IL10RA: variants seen among roughly 807,000 people sequenced by gnomAD.
IL10RA encodes interleukin-10 receptor subunit alpha.
Under a neutral mutation model 29.6 loss-of-function variants are expected in IL10RA, and 18 were observed. The observed-to-expected ratio is 0.61, with a 90% confidence interval of 0.42 to 0.90. The LOEUF is 0.90. IL10RA is among the 40% of genes least tolerant of loss of function. IL10RA has a pLI of 0.00. For synonymous variants in IL10RA, 292 were observed against 294.1 expected, an observed-to-expected ratio of 0.99 and a Z score of 0.07; for missense variants, 634 against 716.6, an observed-to-expected ratio of 0.88 and a Z score of 1.32.
At chr11:117,988,621 A>G in intron 2 of IL10RA, 119 bp downstream of exon 2, 1 of 1,172,650 alleles carries the variant, frequency 8.5e-7, no homozygotes, top group East Asian at 2.5e-5. Context: ...GGCCCCTAAC[A>G]CATAGCCAGC....
rs2058080035 is a variant in IL10RA at position 117,999,529 on chromosome 11, C to A, written c.1625C>A (p.Ala542Asp). 2 of 1,614,058 alleles carry A rather than the reference C, an allele frequency of 1.2e-6. No homozygotes were observed. Among genetic ancestry groups the A allele is most frequent in the African/African-American group, 2.7e-5 (2 of 74,946 alleles). The change falls in exon 7 of 7, where the codon GCC becomes GAC. Residue 542 changes from alanine (A) to aspartate (D), a missense_variant. Ala to Asp is a moderately radical substitution (Grantham distance 126). Transcript: ENST00000227752. ...CTGGGAATATCTGACTGGAGCTTTG[C>A]CCATGACCTTGCCCCTCTAGGCTGT... is the stretch of plus-strand genomic sequence containing the variant. ...SDLGISDWSF[A>D]HDLAPLGCVA... is the part of the protein sequence containing the mutation.
In IL10RA at chr11:117,993,278, C is replaced by T; in HGVS notation, c.405C>T (p.His135=). 1.9e-6 allele frequency: 3 copies of T among 1,614,110 alleles called. No homozygotes were observed. Among genetic ancestry groups the T allele is most frequent in the South Asian group, 2.2e-5 (2 of 91,074 alleles). Residue 135 remains histidine (H), a synonymous_variant, in exon 4 of 7, where the codon CAC becomes CAT. Transcript: ENST00000227752. The stretch of plus-strand genomic sequence containing the variant: ...TTGGCAGTGTGAACCTAGAGATCCA[C>T]AATGGCTTCATCCTCGGGAAGATTC... ...LTVGSVNLEI[H]NGFILGKIQL...
At chr11:117,997,654 G>A (rs1358791969) in intron 6 of IL10RA, among the ~76,000 whole-genome samples, 1 of 152,228 alleles carries the variant, frequency 6.6e-6, no homozygotes, top group Non-Finnish European at 1.5e-5. Flanking sequence ...TGGAGACAGG[G>A]TAGTAAACAA....
At chr11:117,992,974 G>T in intron 3 of IL10RA, 1 of 488,394 alleles carries the variant, frequency 2.0e-6, no homozygotes, top group Non-Finnish European at 3.7e-6. Context: ...TGTGTTCTTG[G>T]CCCCTTTGTT....
At position 117,999,995 on chromosome 11, in the gene IL10RA, T is replaced by TG. The variant is rs146951811; in HGVS notation, c.*356dup. ...GGAACCATGGGGCTTTCTGGAGTTG[T>TG]GGTGAGGCCACCAGGCTGAAGTCAG... On this transcript the variant is annotated 3_prime_UTR_variant, in exon 7 of 7. Transcript: ENST00000227752. The TG allele has an allele frequency of 5.9e-3, 2,832 of 479,972 alleles. 64 individuals carry two copies. The highest frequency in any genetic ancestry group is 0.049 in the African/African-American group (2,530 of 51,224). 29.7% of individuals were successfully genotyped at this position (479,972 alleles called of 1,614,324 possible).
chr11:117,989,512 A>T lies in IL10RA; in HGVS notation c.259A>T (p.Thr87Ser). 1 of 1,614,138 alleles carries T rather than the reference A, an allele frequency of 6.2e-7. No homozygotes were observed. Among genetic ancestry groups the T allele is most frequent in the Non-Finnish European group, 8.5e-7 (1 of 1,180,000 alleles). ...QTLSYDLTAVTLDLYHSNGYR... is the reference protein window; with the variant it reads ...QTLSYDLTAVSLDLYHSNGYR... ...CCTGTCCTATGACCTTACCGCAGTGACCTTGGACCTGTACCACAGCAATGG... is the reference window on the plus strand; with the variant it reads ...CCTGTCCTATGACCTTACCGCAGTGTCCTTGGACCTGTACCACAGCAATGG... Residue 87 changes from threonine to serine, a missense_variant, in exon 3 of 7, where the codon ACC (threonine) becomes TCC (serine). Coordinates refer to ENST00000227752, the MANE Select transcript of IL10RA (RefSeq NM_001558.4). This position sits in a 1 kb window ranked among gnomAD's most constrained non-coding sequence, Gnocchi z 4.5.
downstream of IL10RA, chr11:118,001,642 T>G (rs753015023): frequency 7.4e-5 from 26 of 349,994 alleles, no homozygotes; most frequent in African/African-American, 1.3e-4. Flanking sequence ...GGAGTCCTCA[T>G]GCTACCTGTA....
Position 118,000,373 on chromosome 11 carries a change from G to A in IL10RA, c.*732G>A, listed in dbSNP as rs1342714884. 1 of 454,186 alleles carries A rather than the reference G, an allele frequency of 2.2e-6. No individual in the cohort carries two copies. Among genetic ancestry groups the A allele is most frequent in the Non-Finnish European group, 4.4e-6 (1 of 226,768 alleles). 28.1% of individuals were successfully genotyped at this position (454,186 alleles called of 1,614,324 possible). On this transcript the variant is annotated 3_prime_UTR_variant, in exon 7 of 7. Coordinates refer to ENST00000227752, the MANE Select transcript of IL10RA (RefSeq NM_001558.4). The stretch of plus-strand genomic sequence containing the variant: ...AAATATCTCCCTCTCTCCAACAAAT[G>A]GAGTAGCATCCCCCTGGGGCACTTG...
chr11:117,998,103 TG>T (rs1325475895), intron 6 of IL10RA, among the ~76,000 whole-genome samples: 1 of 152,176 alleles, frequency 6.6e-6, no homozygotes, highest in Non-Finnish European at 1.5e-5. Flanking sequence ...CTTGTGCCAC[TG>T]CCCCACGCTG....
At chr11:117,990,415 A>C (rs2058014085) in intron 3 of IL10RA, among the ~76,000 whole-genome samples, 1 of 152,146 alleles carries the variant, frequency 6.6e-6, no homozygotes. Flanking sequence ...CAATTATAAA[A>C]AGACATTTTT....
At chr11:117,987,688 A>C (rs142547731) in intron 1 of IL10RA, 1 of 158,122 alleles carries the variant, frequency 6.3e-6, no homozygotes, top group African/African-American at 2.4e-5. Flanking sequence ...GTAAAGGGAG[A>C]GTAGAGCTAG....
intron 6 of IL10RA, among the ~76,000 whole-genome samples, chr11:117,996,489 C>G (rs2058057572): frequency 6.6e-6 from 1 of 152,370 alleles, no homozygotes; most frequent in African/African-American, 2.4e-5. Context: ...GAAGATTGCC[C>G]ACCATAGCCT....
At position 117,999,876 on chromosome 11, in the gene IL10RA, TG is replaced by T. The variant is rs1565374409; in HGVS notation, c.*239del. On this transcript the variant is annotated 3_prime_UTR_variant, in exon 7 of 7. Coordinates refer to ENST00000227752, the MANE Select transcript of IL10RA (RefSeq NM_001558.4). ...GGTGGCACTGACCTGTTCTGTTGAC[TG>T]GGGCCCTGCAGACTCTGGCAGAGCT... 2 of 678,214 alleles carry T rather than the reference TG, an allele frequency of 2.9e-6. No homozygotes were observed. Among genetic ancestry groups the T allele is most frequent in the Admixed American group, 2.0e-5 (1 of 49,284 alleles). The allele number at this position is 678,214 out of a possible 1,614,324, so 42.0% of individuals were successfully genotyped here.
At position 118,000,435 on chromosome 11, in the gene IL10RA, C is replaced by T. The variant is rs181251274; in HGVS notation, c.*794C>T. 2.2e-6 allele frequency: 1 copy of T among 454,294 alleles called. No homozygotes were observed. Among genetic ancestry groups the T allele is most frequent in the East Asian group, 6.9e-5 (1 of 14,534 alleles). 28.1% of individuals were successfully genotyped at this position (454,294 alleles called of 1,614,324 possible). A position where few individuals can be genotyped will look rare whatever the true frequency, so the allele number is the denominator to read the frequency against. On this transcript the variant is annotated 3_prime_UTR_variant, in exon 7 of 7. Transcript: ENST00000227752. ...CCACTCACATCCTCACTTTGCTGCC[C>T]CACCATCTTGCTGACAACTTCCAGA...
At chr11:117,986,833 T>C (rs1397559144) in intron 1 of IL10RA, 2 of 1,481,748 alleles carry the variant, frequency 1.3e-6, no homozygotes, top group Non-Finnish European at 1.8e-6. Context: ...GCTCTAGGTT[T>C]TTTGCTGTTT....
chr11:117,987,741 C>T (rs1428757639), intron 1 of IL10RA: 1 of 162,258 alleles, frequency 6.2e-6, no homozygotes, highest in Non-Finnish European at 1.4e-5. Flanking sequence ...CAGGTGCCAG[C>T]TCTTGTGGGG....
rs1254456005 is a variant in IL10RA at position 117,994,118 on chromosome 11, T to C, written c.657T>C (p.Ser219=). The C allele has an allele frequency of 2.5e-6, 4 of 1,614,018 alleles. No homozygotes were observed. Among genetic ancestry groups the C allele is most frequent in the Non-Finnish European group, 3.4e-6 (4 of 1,180,010 alleles). ...CCCGAAGTAACAAGGGGATGTGGTC[T>C]AAAGAGGAGTGCATCTCCCTCACCA... is the stretch of plus-strand genomic sequence containing the variant. ...VASRSNKGMW[S]KEECISLTRQ... is the part of the protein sequence containing the mutation. Residue 219 remains serine, a synonymous_variant, in exon 5 of 7, where the codon TCT becomes TCC. Transcript: ENST00000227752.
intron 1 of IL10RA, 68 bp from the exon 2 acceptor site, chr11:117,988,314 T>C: frequency 1.9e-6 from 3 of 1,604,294 alleles, no homozygotes; most frequent in Admixed American, 3.3e-5. Flanking sequence ...CCTTTCTTCT[T>C]TGGTAAAATT....
chr11:117,988,242 T>C (rs1455894127), intron 1 of IL10RA, 140 bp from the exon 2 acceptor site: 7 of 957,174 alleles, frequency 7.3e-6, no homozygotes, highest in Non-Finnish European at 1.2e-5. Flanking sequence ...TGGATTCATG[T>C]GCCCACTCTG....
Sources: gnomAD v4.1 joint callset for allele counts (sites outside exome capture counted in the v4.1 genomes callset) on GRCh38, gnomAD v4.1.1 for gene constraint, Gnocchi (gnomAD v3.1) non-coding constraint, MANE v1.5 for transcripts, NCBI Gene and HGNC (gene_info 2026-07-23, HGNC 2026-07-21) for gene names.